Variants in PSD3 observed in about 807,000 individuals in gnomAD.
PSD3 encodes the protein pleckstrin and Sec7 domain containing 3, also known as PH and SEC7 domain-containing protein 3.
A neutral mutation model predicts 105.5 loss-of-function variants in PSD3; 49 were observed. The observed-to-expected ratio is 0.46, with a 90% CI of 0.37 to 0.59. The LOEUF (loss-of-function observed/expected upper bound fraction) is 0.59, where lower values mean the gene tolerates loss of function less well. PSD3 is among the 20% of genes least tolerant of loss of function. The probability of loss-of-function intolerance (pLI) is 0.00; values close to 1 mark genes in which losing one functional copy is unlikely to be tolerated. For missense variants in PSD3, 1,561 were observed against 1,263.8 expected (o/e 1.24, Z -3.57); for synonymous variants, 557 against 457.8 (o/e 1.22, Z -2.77).
At chr8:19,031,905 C>T (rs1285389559) in intron 1 of PSD3, among the ~76,000 whole-genome samples, 5 of 152,178 alleles carry the variant, frequency 3.3e-5, no homozygotes, top group Non-Finnish European at 7.3e-5. Flanking sequence ...CTTCCTGATA[C>T]AGTTGTTTGG....
At chr8:18,743,655 A>T (rs997402776) in intron 9 of PSD3, among the ~76,000 whole-genome samples, 10 of 152,024 alleles carry the variant, frequency 6.6e-5, no homozygotes, top group African/African-American at 2.4e-4. Context: ...ATGCAAAATA[A>T]ATTTTAAAAT....
intron 2 of PSD3, among the ~76,000 whole-genome samples, chr8:18,906,037 T>C (rs1280881024): frequency 1.3e-5 from 2 of 152,188 alleles, no homozygotes; most frequent in African/African-American, 2.4e-5. Context: ...GTAAACATCA[T>C]ATTAGTGTGA....
At chr8:18,686,743 C>T (rs749973252) in intron 9 of PSD3, among the ~76,000 whole-genome samples, 1 of 152,096 alleles carries the variant, frequency 6.6e-6, no homozygotes, top group African/African-American at 2.4e-5. Context: ...CAGGTGAGTG[C>T]GTGGCACTTT....
At chr8:18,757,856 T>C (rs546147580) in intron 9 of PSD3, among the ~76,000 whole-genome samples, 38 of 152,350 alleles carry the variant, frequency 2.5e-4, no homozygotes, top group African/African-American at 4.3e-4. Flanking sequence ...TATATAGTTA[T>C]TTCTGAACTG....
intron 2 of PSD3, among the ~76,000 whole-genome samples, chr8:18,912,864 C>T (rs1240467148): frequency 6.6e-6 from 1 of 152,004 alleles, no homozygotes; most frequent in African/African-American, 2.4e-5. Flanking sequence ...AGGAAATACA[C>T]CCTAAATTTT....
At chr8:18,981,528 A>G (rs1825252932) in intron 1 of PSD3, among the ~76,000 whole-genome samples, 1 of 152,208 alleles carries the variant, frequency 6.6e-6, no homozygotes, top group African/African-American at 2.4e-5. Context: ...TAGCACTTGA[A>G]AAGTATTTAG....
chr8:18,931,609 C>T (rs1487663961), intron 2 of PSD3, among the ~76,000 whole-genome samples: 4 of 152,182 alleles, frequency 2.6e-5, no homozygotes, highest in African/African-American at 7.2e-5. Flanking sequence ...AATTATAACA[C>T]ATTTCCTATG....
intron 1 of PSD3, among the ~76,000 whole-genome samples, chr8:19,037,415 G>T (rs1395287834): frequency 1.3e-5 from 2 of 152,350 alleles, no homozygotes; most frequent in African/African-American, 4.8e-5. Context: ...ACTTACAGGG[G>T]CTTTCCTATG....
At chr8:18,762,256 C>T (rs911671198) in intron 9 of PSD3, among the ~76,000 whole-genome samples, 5 of 152,072 alleles carry the variant, frequency 3.3e-5, no homozygotes, top group Non-Finnish European at 5.9e-5. Context: ...TAACAGTGTG[C>T]AGCATCTCCT....
chr8:18,863,848 G>A (rs1816633490), intron 4 of PSD3, among the ~76,000 whole-genome samples: 1 of 152,138 alleles, frequency 6.6e-6, no homozygotes, highest in Admixed American at 6.5e-5. Context: ...GAGTAACAGG[G>A]AAGAACAGTG....
rs556764522 is a variant in PSD3, at chr8:18,746,129, C to T, written c.2172+19320G>A. ...TCCTCTGATGGGTCCCCACCCTTCA[C>T]GTATTTTACATATACCCTTTCCTAA... On this transcript the variant is annotated intron_variant, in intron 9 of 15. Coordinates refer to ENST00000327040, the MANE Select transcript of PSD3 (RefSeq NM_015310.4). Among the ~76,000 whole-genome samples, 7 of 152,186 alleles carry T rather than the reference C, an allele frequency of 4.6e-5. No homozygotes were observed. The East Asian group carries it at 9.7e-4, about 21-fold the overall frequency.
At chr8:18,566,943 C>T (rs182206926) in intron 14 of PSD3, among the ~76,000 whole-genome samples, 10 of 152,260 alleles carry the variant, frequency 6.6e-5, no homozygotes, top group African/African-American at 2.2e-4. Context: ...GGGGAAAACA[C>T]GCAAACAGAT....
At chr8:18,684,312 T>C (rs1278428848) in intron 9 of PSD3, among the ~76,000 whole-genome samples, 1 of 151,204 alleles carries the variant, frequency 6.6e-6, no homozygotes, top group African/African-American at 2.4e-5. Context: ...TCATTAACAT[T>C]CCAAAAAGCA....
At chr8:18,568,787 T>G (rs1252523706) in intron 14 of PSD3, among the ~76,000 whole-genome samples, 1 of 152,026 alleles carries the variant, frequency 6.6e-6, no homozygotes, top group Non-Finnish European at 1.5e-5. Flanking sequence ...ACATGTGCCA[T>G]GCTGGTGCGC....
chr8:18,709,355 G>C (rs575389576), intron 9 of PSD3, among the ~76,000 whole-genome samples: 17 of 152,312 alleles, frequency 1.1e-4, no homozygotes, highest in African/African-American at 3.8e-4. Context: ...CCCTGGGATG[G>C]AGCCCCTGAC....
intron 1 of PSD3, among the ~76,000 whole-genome samples, chr8:19,004,754 G>A (rs1826571194): frequency 1.3e-5 from 2 of 152,014 alleles, no homozygotes; most frequent in Non-Finnish European, 2.9e-5. Flanking sequence ...GGAAGCCGGT[G>A]GAAGGTAATT....
intron 9 of PSD3, among the ~76,000 whole-genome samples, chr8:18,764,137 T>C (rs571655257): frequency 1.2e-4 from 18 of 152,320 alleles, no homozygotes; most frequent in Admixed American, 3.3e-4. Context: ...CACTAAATTC[T>C]AAAAGCTTCA....
At chr8:18,944,779 C>T (rs1822759577) in intron 1 of PSD3, among the ~76,000 whole-genome samples, 1 of 151,928 alleles carries the variant, frequency 6.6e-6, no homozygotes, top group Non-Finnish European at 1.5e-5. Flanking sequence ...TTTTTTATTT[C>T]AGTGCTCAAA....
chr8:19,045,506 G>A (rs779923243), intron 1 of PSD3, among the ~76,000 whole-genome samples: 17 of 152,188 alleles, frequency 1.1e-4, no homozygotes, highest in Non-Finnish European at 1.8e-4. Flanking sequence ...CTAAGCAACA[G>A]CACAGATCTC....
Sources: gnomAD v4.1 joint callset for allele counts (sites outside exome capture counted in the v4.1 genomes callset) on GRCh38, gnomAD v4.1.1 for gene constraint, MANE v1.5 for transcripts, NCBI Gene and HGNC (gene_info 2026-07-23, HGNC 2026-07-21) for gene names.